SLC35D1: variants seen among roughly 807,000 people sequenced by gnomAD.
The protein encoded by SLC35D1 is solute carrier family 35 member D1.
Under a neutral mutation model 46.7 loss-of-function variants are expected in SLC35D1, and 31 were observed. The observed-to-expected ratio is 0.66, with a 90% CI of 0.50 to 0.90. The LOEUF (loss-of-function observed/expected upper bound fraction) is 0.90, where lower values mean the gene tolerates loss of function less well. SLC35D1 is among the 40% of genes least tolerant of loss of function. The pLI, the probability that SLC35D1 is intolerant of heterozygous loss-of-function variation, is 0.00. For synonymous variants in SLC35D1, 195 were observed against 164.6 expected, an observed-to-expected ratio of 1.18 and a Z score of -1.41; for missense variants, 397 against 426.2, an observed-to-expected ratio of 0.93 and a Z score of 0.60.
At chr1:67,043,320 C>T (rs189328777) in intron 7 of SLC35D1, among the ~76,000 whole-genome samples, 9 of 151,962 alleles carry the variant, frequency 5.9e-5, no homozygotes, top group African/African-American at 1.7e-4. Flanking sequence ...GAGCCAAGAA[C>T]GAGATTGTGC....
At chr1:66,989,403 TTCACTCAGCAAAGTTAGATGA>T in the SLC35D1 span, among the ~76,000 whole-genome samples, 1 of 152,332 alleles carries the variant, frequency 6.6e-6, no homozygotes, top group Admixed American at 6.5e-5. Context: ...AATAAATGGT[TTCACTCAGCAAAGTTAGATGA>T]TCCCTGAAAT....
rs576863602 is a variant in SLC35D1, at chr1:66,999,419, T to C, written c.*4921A>G. On this transcript the variant is annotated 3_prime_UTR_variant, in exon 12 of 12. Coordinates refer to ENST00000235345, the MANE Select transcript of SLC35D1 (RefSeq NM_015139.3). ...TTTATTTTACACCATTACAAAAATATTTAGGCACATAATTTTCATGTTTAT... is the reference window on the plus strand; with the variant it reads ...TTTATTTTACACCATTACAAAAATACTTAGGCACATAATTTTCATGTTTAT... The C allele has an allele frequency of 6.6e-6, 1 of 152,402 alleles. No homozygotes were observed. Among genetic ancestry groups the C allele is most frequent in the South Asian group, 2.1e-4 (1 of 4,826 alleles). The allele number at this position is 152,402 out of a possible 1,614,324, so 9.4% of individuals were successfully genotyped here.
intron 1 of SLC35D1, 56 bp downstream of exon 1, chr1:67,053,755 C>T: frequency 7.1e-7 from 1 of 1,404,138 alleles, no homozygotes; most frequent in Non-Finnish European, 9.3e-7. Context: ...GGCGCCGCGC[C>T]GCCGCCGCCG....
the SLC35D1 span, among the ~76,000 whole-genome samples, chr1:66,990,954 A>G: frequency 6.6e-6 from 1 of 152,058 alleles, no homozygotes; most frequent in African/African-American, 2.4e-5. Context: ...TGAACATATT[A>G]GCATATAGGT....
At chr1:67,052,108 C>G (rs574704667) in intron 3 of SLC35D1, 29 bp from the exon 4 acceptor site, 5 of 1,440,014 alleles carry the variant, frequency 3.5e-6, no homozygotes, top group Non-Finnish European at 2.9e-6. Flanking sequence ...GATAACAAAA[C>G]TCAATAATAA....
At chr1:66,994,330 G>A in the SLC35D1 span, among the ~76,000 whole-genome samples, 6 of 152,158 alleles carry the variant, frequency 3.9e-5, no homozygotes, top group Non-Finnish European at 8.8e-5. Context: ...AATTCTGATG[G>A]CTGATGAAAA....
chr1:66,984,170 C>T, the SLC35D1 span, among the ~76,000 whole-genome samples: 1 of 152,166 alleles, frequency 6.6e-6, no homozygotes, highest in South Asian at 2.1e-4. Context: ...ATGTTGAAAA[C>T]CTTTTGTTAA....
At chr1:67,029,851 A>C (rs1170856487) in intron 8 of SLC35D1, among the ~76,000 whole-genome samples, 1 of 152,194 alleles carries the variant, frequency 6.6e-6, no homozygotes, top group Non-Finnish European at 1.5e-5. Flanking sequence ...TTAATTGTTC[A>C]CATTTTAACT....
Position 66,999,357 on chromosome 1 carries a change from A to C in SLC35D1, c.*4983T>G, listed in dbSNP as rs1375841255. ...TCTGGATTAGTCTCTGTATGCAGTT[A>C]CAAAGGAATTTTAATACTTGTTTTC... is the stretch of plus-strand genomic sequence containing the variant. On this transcript the variant is annotated 3_prime_UTR_variant, in exon 12 of 12. Coordinates refer to ENST00000235345, the MANE Select transcript of SLC35D1 (RefSeq NM_015139.3). 3 of 152,370 alleles carry C rather than the reference A, an allele frequency of 2.0e-5. No homozygotes were observed. Among genetic ancestry groups the C allele is most frequent in the African/African-American group, 7.2e-5 (3 of 41,458 alleles). 9.4% of individuals were successfully genotyped at this position (152,370 alleles called of 1,614,324 possible).
At chr1:67,013,158 A>ATATATATATATATATATATATATT in intron 10 of SLC35D1, among the ~76,000 whole-genome samples, 1 of 103,620 alleles carries the variant, frequency 9.7e-6, no homozygotes. Context: ...TATCCTGGAG[A>ATATATATATATATATATATATATT]TATATATATA....
At chr1:67,053,704 T>G in intron 1 of SLC35D1, 107 bp downstream of exon 1, 5 of 1,096,786 alleles carry the variant, frequency 4.6e-6, no homozygotes, top group South Asian at 2.3e-5. Flanking sequence ...CCCGCCCAAC[T>G]TTGTTCGGCT....
At chr1:66,993,433 C>G in the SLC35D1 span, among the ~76,000 whole-genome samples, 1 of 152,142 alleles carries the variant, frequency 6.6e-6, no homozygotes, top group Non-Finnish European at 1.5e-5. Context: ...ACAGGCAATT[C>G]TCCTGGATCT....
intron 4 of SLC35D1, among the ~76,000 whole-genome samples, chr1:67,050,750 G>A (rs1238395254): frequency 6.6e-6 from 1 of 152,080 alleles, no homozygotes; most frequent in Non-Finnish European, 1.5e-5. Flanking sequence ...TTCTAATTAT[G>A]CAAAACCCTA....
At chr1:66,985,018 T>G in the SLC35D1 span, 1 of 1,408,228 alleles carries the variant, frequency 7.1e-7, no homozygotes, top group Non-Finnish European at 9.2e-7. Context: ...TTGAATTGAG[T>G]CTTAACTTTA....
intron 7 of SLC35D1, among the ~76,000 whole-genome samples, chr1:67,043,860 T>A (rs1645221816): frequency 6.6e-6 from 1 of 152,126 alleles, no homozygotes. Flanking sequence ...TGAAGCAGTC[T>A]CCTGAAAATG....
chr1:66,980,124 A>G, the SLC35D1 span, among the ~76,000 whole-genome samples: 24 of 152,150 alleles, frequency 1.6e-4, no homozygotes, highest in African/African-American at 1.9e-4. Flanking sequence ...TTTATTTCCA[A>G]CAATTCCTCA....
At chr1:67,018,334 G>A (rs1345551981) in intron 10 of SLC35D1, among the ~76,000 whole-genome samples, 1 of 152,168 alleles carries the variant, frequency 6.6e-6, no homozygotes, top group East Asian at 1.9e-4. Context: ...ATTAATTTAT[G>A]TAAGTTGCCC....
At chr1:67,037,182 T>C (rs998769669) in intron 8 of SLC35D1, among the ~76,000 whole-genome samples, 15 of 152,166 alleles carry the variant, frequency 9.9e-5, no homozygotes, top group Middle Eastern at 3.2e-3. Flanking sequence ...TTATTTTTGA[T>C]GGGTTCATCT....
At chr1:67,051,924 A>G in intron 4 of SLC35D1, 88 bp downstream of exon 4, 3 of 943,378 alleles carry the variant, frequency 3.2e-6, no homozygotes, top group Non-Finnish European at 5.1e-6. Flanking sequence ...TTCCAGAATC[A>G]ATAACAATGT....
Sources: gnomAD v4.1 joint callset for allele counts (sites outside exome capture counted in the v4.1 genomes callset) on GRCh38, gnomAD v4.1.1 for gene constraint, MANE v1.5 for transcripts, NCBI Gene and HGNC (gene_info 2026-07-23, HGNC 2026-07-21) for gene names.